EDA: variants seen among roughly 807,000 people sequenced by gnomAD.
The protein encoded by EDA is ectodysplasin A, also known as ectodysplasin-A.
In EDA, 2 loss-of-function variants were observed where a neutral mutation model predicts 23.6. The observed-to-expected ratio is 0.08, with a 90% CI of 0.03 to 0.27. The LOEUF (loss-of-function observed/expected upper bound fraction) is 0.27, where lower values mean the gene tolerates loss of function less well. Among genes scored for constraint, EDA ranks in the 10% least tolerant of loss-of-function variants. The pLI is 1.00. For synonymous variants in EDA, 131 were observed against 132.0 expected (o/e 0.99, Z 0.05); for missense variants, 229 against 324.2 (o/e 0.71, Z 2.26).
intron 1 of EDA, among the ~76,000 whole-genome samples, chrX:69,870,003 T>A (rs917872290): frequency 9.0e-6 from 1 of 111,607 alleles, no homozygotes; most frequent in Admixed American, 9.5e-5. Flanking sequence ...CCAGCTGGGA[T>A]GAGTAAGTCT....
At chrX:69,962,374 T>C (rs1207250354) in intron 2 of EDA, among the ~76,000 whole-genome samples, 3 of 112,395 alleles carry the variant, frequency 2.7e-5, no homozygotes, top group Non-Finnish European at 5.6e-5. Flanking sequence ...TAGCCCTGCT[T>C]ACCTCATAGA....
At chrX:70,034,419 A>G (rs1191734390) in intron 7 of EDA, among the ~76,000 whole-genome samples, 2 of 111,508 alleles carry the variant, frequency 1.8e-5, no homozygotes, top group South Asian at 3.8e-4. Flanking sequence ...GAGCTGATAG[A>G]GGGAGTGACC....
chrX:69,861,055 A>G (rs1289477409), intron 1 of EDA: 2 of 472,713 alleles, frequency 4.2e-6, no homozygotes, highest in East Asian at 7.7e-5. Context: ...AGATGTGTTT[A>G]GGCAAAGAAC....
At chrX:69,754,444 T>C (rs2014023631) in intron 1 of EDA, among the ~76,000 whole-genome samples, 1 of 112,242 alleles carries the variant, frequency 8.9e-6, no homozygotes. Flanking sequence ...GCTTTTAGTC[T>C]GATGAGCTAC....
At chrX:69,632,930 T>G (rs1383452860) in intron 1 of EDA, among the ~76,000 whole-genome samples, 1 of 111,907 alleles carries the variant, frequency 8.9e-6, no homozygotes, top group African/African-American at 3.2e-5. Flanking sequence ...CCTCTTAGCA[T>G]GTAGTCATGC....
intron 2 of EDA, among the ~76,000 whole-genome samples, chrX:69,962,113 T>G (rs1008604971): frequency 8.9e-6 from 1 of 112,606 alleles, no homozygotes; most frequent in Non-Finnish European, 1.9e-5. Context: ...TAAAAACATC[T>G]GTTCTCTTCC....
intron 1 of EDA, among the ~76,000 whole-genome samples, chrX:69,664,180 G>A (rs998125838): frequency 7.2e-5 from 8 of 111,652 alleles, no homozygotes; most frequent in African/African-American, 9.8e-5. Context: ...AAGGGCCAAC[G>A]GTGGAATGAT....
chrX:69,765,697 A>G (rs2014449750), intron 1 of EDA, among the ~76,000 whole-genome samples: 1 of 111,960 alleles, frequency 8.9e-6, no homozygotes, highest in African/African-American at 3.2e-5. Flanking sequence ...TTCCCCAATG[A>G]TTATATATTA....
At chrX:69,778,567 G>A (rs2014853387) in intron 1 of EDA, among the ~76,000 whole-genome samples, 1 of 111,669 alleles carries the variant, frequency 9.0e-6, no homozygotes, top group South Asian at 3.7e-4. Context: ...ACTTCTTGTG[G>A]TAAACCATGA....
At chrX:70,013,897 C>A (rs2019910161) in intron 2 of EDA, among the ~76,000 whole-genome samples, 1 of 112,314 alleles carries the variant, frequency 8.9e-6, no homozygotes, top group Admixed American at 9.4e-5. Context: ...CCTACAATAC[C>A]CCTGCCTCCC....
intron 1 of EDA, among the ~76,000 whole-genome samples, chrX:69,760,174 G>A (rs1413434069): frequency 1.7e-5 from 1 of 57,980 alleles, no homozygotes; most frequent in Non-Finnish European, 3.2e-5. Context: ...CCTCTCATGG[G>A]GTTTTATAAA....
At chrX:69,723,084 A>G (rs754154936) in intron 1 of EDA, among the ~76,000 whole-genome samples, 6 of 112,047 alleles carry the variant, frequency 5.4e-5, no homozygotes, top group Non-Finnish European at 9.4e-5. Flanking sequence ...TAGCTTATAT[A>G]AATTAAAGTT....
In EDA at chrX:69,763,378, A is replaced by C. The variant is rs759307211; in HGVS notation, c.396+146674A>C. Among the ~76,000 whole-genome samples the C allele has an allele frequency of 9.3e-4, 104 of 111,812 alleles. 1 individual carries two copies. Among genetic ancestry groups the C allele is most frequent in the South Asian group, 2.3e-3 (6 of 2,653 alleles). On this transcript the variant is annotated intron_variant, in intron 1 of 7. Coordinates refer to ENST00000374552, the MANE Select transcript of EDA (RefSeq NM_001399.5). ...GGAACATACATTTGGTGGGTATTCA[A>C]ATGCCTCTGATGAGATGTTTATTGG...
chrX:69,684,401 G>A (rs1023044238), intron 1 of EDA, among the ~76,000 whole-genome samples: 1 of 111,321 alleles, frequency 9.0e-6, no homozygotes, highest in African/African-American at 3.3e-5. Context: ...AGTAATTGAT[G>A]TTCATAATAA....
intron 1 of EDA, among the ~76,000 whole-genome samples, chrX:69,919,759 C>A (rs1271920235): frequency 1.8e-5 from 2 of 111,996 alleles, no homozygotes; most frequent in Non-Finnish European, 3.8e-5. Flanking sequence ...CAATAATAAA[C>A]TTTCAAATTA....
intron 1 of EDA, among the ~76,000 whole-genome samples, chrX:69,835,073 C>T (rs771803742): frequency 6.1e-4 from 69 of 112,603 alleles, no homozygotes; most frequent in African/African-American, 2.0e-3. Flanking sequence ...GGGTTTCTGC[C>T]GAGAGATCAG....
chrX:69,655,759 A>AATATATAT (rs1435834220), intron 1 of EDA, among the ~76,000 whole-genome samples: 1 of 39,370 alleles, frequency 2.5e-5, no homozygotes, highest in Non-Finnish European at 3.7e-5. Flanking sequence ...ACATCATTAG[A>AATATATAT]ATCTATATAT....
At chrX:69,701,537 G>A (rs189431972) in intron 1 of EDA, among the ~76,000 whole-genome samples, 1 of 111,700 alleles carries the variant, frequency 9.0e-6, no homozygotes, top group Non-Finnish European at 1.9e-5. Flanking sequence ...TCCTCATCAC[G>A]ATTGTTAGAC....
intron 1 of EDA, among the ~76,000 whole-genome samples, chrX:69,786,053 T>C (rs954537615): frequency 8.2e-5 from 9 of 109,446 alleles, no homozygotes; most frequent in Non-Finnish European, 1.3e-4. Context: ...TTTATCCATT[T>C]CTTCTAGATT....
Sources: allele counts gnomAD v4.1 joint callset (sites outside exome capture counted in the v4.1 genomes callset), GRCh38; gene constraint gnomAD v4.1.1; transcripts MANE v1.5; gene names NCBI Gene and HGNC (gene_info 2026-07-23, HGNC 2026-07-21).